BSN: variants seen among roughly 807,000 people sequenced by gnomAD.
BSN encodes the protein bassoon presynaptic cytomatrix protein.
In BSN, 57 loss-of-function variants were observed where a neutral mutation model predicts 264.8. The observed-to-expected ratio is 0.22, with a 90% CI of 0.17 to 0.27. BSN has a LOEUF of 0.27. Ranked by LOEUF, BSN falls within the 10% of genes least tolerant of loss-of-function variation. The pLI, the probability that BSN is intolerant of heterozygous loss-of-function variation, is 1.00. For synonymous variants in BSN, 2,059 were observed against 2,137.3 expected (o/e 0.96, Z 1.01); for missense variants, 4,615 against 5,232.5 (o/e 0.88, Z 3.64).
chr3:49,663,689 G>C (rs974378135), intron 7 of BSN, 23 bp downstream of exon 7: 1 of 1,603,300 alleles, frequency 6.2e-7, no homozygotes, highest in African/African-American at 1.3e-5. Context: ...CCCATGCATG[G>C]GTTGTAACCA....
At position 49,625,133 on chromosome 3, in the gene BSN, C is replaced by T. The variant is rs140421176; in HGVS notation, c.383C>T (p.Thr128Met). 1.5e-3 allele frequency: 2,466 copies of T among 1,596,360 alleles called. 2 individuals are homozygous for T. The highest frequency in any genetic ancestry group is 3.7e-3 in the Middle Eastern group (22 of 5,998). ...AGQEADGPRR[T>M]LQVDSRTQRS... ...CAGGAGGCTGATGGTCCCCGCAGGACGCTGCAGGTAGACAGCAGGACACAG... is the reference window on the plus strand; with the variant it reads ...CAGGAGGCTGATGGTCCCCGCAGGATGCTGCAGGTAGACAGCAGGACACAG... The change falls in exon 2 of 12, where the codon ACG (threonine) becomes ATG (methionine). Residue 128 changes from threonine (T) to methionine (M), a missense_variant. By Grantham distance (81) the Thr-to-Met change is moderately conservative (BLOSUM62 -1). This residue lies in a region of BSN where 1,197 missense variants were observed against 1,348.0 expected (regional missense o/e 0.89). Transcript: ENST00000296452. This position sits in a 1 kb window ranked among gnomAD's most constrained non-coding sequence, Gnocchi z 4.4.
chr3:49,591,373 C>T (rs542428670), intron 1 of BSN, among the ~76,000 whole-genome samples: 40 of 152,296 alleles, frequency 2.6e-4, no homozygotes, highest in African/African-American at 9.4e-4. Flanking sequence ...ATTATGCTTT[C>T]TTTTGTACTT....
intron 1 of BSN, among the ~76,000 whole-genome samples, chr3:49,580,599 C>T (rs2051889184): frequency 6.6e-6 from 1 of 151,536 alleles, no homozygotes; most frequent in South Asian, 2.1e-4. Context: ...AAAGGGACTA[C>T]AGTCATGCAC....
In BSN at chr3:49,625,673, G is replaced by A. The variant is rs1334877360; in HGVS notation, c.633+290G>A. On this transcript the variant is annotated intron_variant, in intron 2 of 11. Coordinates refer to ENST00000296452, the MANE Select transcript of BSN (RefSeq NM_003458.4). The surrounding 1 kb of genome is among the most constrained non-coding windows in gnomAD (Gnocchi z 4.4). Reference sequence around the variant, plus strand: ...AGTTTGGTCTGGAAAAATGGCCTTCGAGAGGACCAAAGACAATCTTATGAA... The same window carrying A: ...AGTTTGGTCTGGAAAAATGGCCTTCAAGAGGACCAAAGACAATCTTATGAA... 6.6e-6 allele frequency among the ~76,000 whole-genome samples: 1 copy of A among 152,320 alleles called. No homozygotes were observed. The highest frequency in any genetic ancestry group is 1.9e-4 in the East Asian group (1 of 5,174).
At chr3:49,565,506 G>C (rs1291043023) in intron 1 of BSN, among the ~76,000 whole-genome samples, 1 of 151,920 alleles carries the variant, frequency 6.6e-6, no homozygotes. Flanking sequence ...ATGTTTAATA[G>C]AGACGGGGTT....
At chr3:49,644,679 C>T (rs1028629991) in intron 3 of BSN, among the ~76,000 whole-genome samples, 5 of 152,168 alleles carry the variant, frequency 3.3e-5, no homozygotes, top group Non-Finnish European at 5.9e-5. Flanking sequence ...GGCACAAGCT[C>T]ACTGCTGGTC....
chr3:49,606,051 A>G (rs1183622042), intron 1 of BSN, among the ~76,000 whole-genome samples: 14 of 92,564 alleles, frequency 1.5e-4, no homozygotes, highest in South Asian at 3.6e-4. Flanking sequence ...TATATTATAT[A>G]TAATTATAAA....
At chr3:49,611,866 T>G (rs1288597361) in intron 1 of BSN, among the ~76,000 whole-genome samples, 1 of 152,122 alleles carries the variant, frequency 6.6e-6, no homozygotes, top group Admixed American at 6.6e-5. Context: ...CTGACCTAGG[T>G]CTTGGCTCTG....
At chr3:49,586,987 T>C (rs2051942273) in intron 1 of BSN, among the ~76,000 whole-genome samples, 1 of 152,170 alleles carries the variant, frequency 6.6e-6, no homozygotes, top group African/African-American at 2.4e-5. Context: ...AATTTGTAGA[T>C]TGCTTTGGGT....
At chr3:49,605,314 T>A (rs1188157043) in intron 1 of BSN, among the ~76,000 whole-genome samples, 5 of 89,060 alleles carry the variant, frequency 5.6e-5, no homozygotes, top group East Asian at 2.6e-4. Context: ...TATATTATAT[T>A]ATATATATAT....
chr3:49,619,250 T>C (rs2052284392), intron 1 of BSN, among the ~76,000 whole-genome samples: 1 of 152,238 alleles, frequency 6.6e-6, no homozygotes, highest in Non-Finnish European at 1.5e-5. Flanking sequence ...GTTCTGGTTG[T>C]TGTGCATGTG....
At chr3:49,613,303 C>CGAGAGAGTGAGAGAGA (rs2052223776) in intron 1 of BSN, among the ~76,000 whole-genome samples, 5 of 47,332 alleles carry the variant, frequency 1.1e-4, no homozygotes, top group African/African-American at 2.1e-4. Flanking sequence ...ACACACAGAG[C>CGAGAGAGTGAGAGAGA]GAGAGAGAGA....
chr3:49,663,228 T>G lies in BSN; in HGVS notation c.11070T>G (p.Ala3690=), dbSNP rs2052679854. Residue 3690 remains alanine, a synonymous_variant, in exon 7 of 12, where the codon GCT becomes GCG. Transcript: ENST00000296452. The stretch of plus-strand genomic sequence containing the variant: ...ACTCTCAGCCCAGCTCTGCTCCAGC[T>G]ATGCCGAAGAAGGGTCAGCCTGGGT... ...RPHSQPSSAP[A]MPKKGQPGYP... 1 of 1,613,998 alleles carries G rather than the reference T, an allele frequency of 6.2e-7. No homozygotes were observed. Among genetic ancestry groups the G allele is most frequent in the Admixed American group, 1.7e-5 (1 of 59,998 alleles).
intron 2 of BSN, among the ~76,000 whole-genome samples, chr3:49,628,808 C>T (rs922035597): frequency 2.0e-5 from 3 of 152,064 alleles, no homozygotes; most frequent in Non-Finnish European, 4.4e-5. Flanking sequence ...TCCAGCTTTC[C>T]CCCAGGGATT....
intron 8 of BSN, among the ~76,000 whole-genome samples, chr3:49,664,213 C>G (rs2052691560): frequency 6.6e-6 from 1 of 151,986 alleles, no homozygotes; most frequent in South Asian, 2.1e-4. Context: ...TCCCTTTCTT[C>G]TTCTTTCCCT....
rs2052591204 is a variant in BSN at position 49,655,533 on chromosome 3, G to A, written c.5977G>A (p.Gly1993Ser). 1 of 1,611,804 alleles carries A rather than the reference G, an allele frequency of 6.2e-7. No individual in the cohort carries two copies. The change falls in exon 5 of 12, where the codon GGC (glycine) becomes AGC (serine). Residue 1993 changes from glycine to serine, a missense_variant. Coordinates refer to ENST00000296452, the MANE Select transcript of BSN (RefSeq NM_003458.4). ...SMSDTNLAEA[G>S]LNYHAQRIGQ... ...GTCTGACACCAATTTGGCTGAGGCT[G>A]GCCTCAACTACCATGCCCAGAGGAT...
intron 1 of BSN, among the ~76,000 whole-genome samples, chr3:49,600,450 G>A (rs1350053058): frequency 6.6e-6 from 1 of 152,174 alleles, no homozygotes; most frequent in African/African-American, 2.4e-5. Flanking sequence ...GGAATGTCAG[G>A]CTAAAGCATT....
intron 1 of BSN, among the ~76,000 whole-genome samples, chr3:49,557,284 G>A (rs931202561): frequency 6.6e-6 from 1 of 152,154 alleles, no homozygotes; most frequent in African/African-American, 2.4e-5. Flanking sequence ...CTCTAACCCA[G>A]GCTCCACTCT....
At position 49,652,392 on chromosome 3, in the gene BSN, T is replaced by C; in HGVS notation, c.2836T>C (p.Leu946=). The C allele has an allele frequency of 1.2e-6, 2 of 1,608,908 alleles. No individual in the cohort carries two copies. Among genetic ancestry groups the C allele is most frequent in the Non-Finnish European group, 1.7e-6 (2 of 1,177,504 alleles). The change falls in exon 5 of 12, where the codon TTG becomes CTG. Residue 946 remains leucine (L), a synonymous_variant. Transcript: ENST00000296452. ...LNSTGSYGHE[L]DLGQGPDPSL... is the part of the protein sequence containing the mutation. ...CAGCACGGGAAGTTATGGTCATGAGTTGGACCTGGGCCAAGGCCCAGACCC... is the reference window on the plus strand; with the variant it reads ...CAGCACGGGAAGTTATGGTCATGAGCTGGACCTGGGCCAAGGCCCAGACCC...
Sources: allele counts gnomAD v4.1 joint callset (sites outside exome capture counted in the v4.1 genomes callset), GRCh38; gene constraint gnomAD v4.1.1; regional missense constraint gnomAD v4.1.1; non-coding constraint Gnocchi (gnomAD v3.1); transcripts MANE v1.5; gene names NCBI Gene and HGNC (gene_info 2026-07-23, HGNC 2026-07-21).